Variants in GMDS observed in about 807,000 individuals in gnomAD.
The protein encoded by GMDS is GDP-mannose 4,6 dehydratase.
A neutral mutation model predicts 49.9 loss-of-function variants in GMDS; 20 were observed. That is an observed-to-expected ratio of 0.40 (90% CI 0.28 to 0.58). GMDS has a LOEUF of 0.58. GMDS is among the 20% of genes least tolerant of loss of function. GMDS has a pLI of 0.42. For synonymous variants in GMDS, 177 were observed against 178.6 expected, an observed-to-expected ratio of 0.99 and a Z score of 0.07; for missense variants, 362 against 481.4, an observed-to-expected ratio of 0.75 and a Z score of 2.32.
intron 4 of GMDS, among the ~76,000 whole-genome samples, chr6:1,977,396 A>G (rs1764968645): frequency 6.6e-6 from 1 of 152,334 alleles, no homozygotes; most frequent in African/African-American, 2.4e-5. Context: ...ACAAGTATCT[A>G]GCAAACATAA....
chr6:1,952,918 T>A (rs1240506810), intron 6 of GMDS, among the ~76,000 whole-genome samples: 2 of 152,184 alleles, frequency 1.3e-5, no homozygotes, highest in Non-Finnish European at 2.9e-5. Flanking sequence ...CCAATCCCTA[T>A]GAGTGACTCA....
chr6:1,662,801 T>C (rs1379941605), intron 9 of GMDS, among the ~76,000 whole-genome samples: 4 of 152,204 alleles, frequency 2.6e-5, no homozygotes, highest in Non-Finnish European at 4.4e-5. Flanking sequence ...GCATAACATT[T>C]TGTGTTCTCT....
chr6:1,638,675 G>T (rs551606126), intron 9 of GMDS, among the ~76,000 whole-genome samples: 2 of 152,248 alleles, frequency 1.3e-5, no homozygotes, highest in South Asian at 4.1e-4. Flanking sequence ...ACTACCAAGG[G>T]ACCTTTGCTT....
At chr6:1,655,517 ACATAT>A (rs1215760015) in intron 9 of GMDS, among the ~76,000 whole-genome samples, 1 of 83,830 alleles carries the variant, frequency 1.2e-5, no homozygotes, top group Non-Finnish European at 2.3e-5. Context: ...ACACACACAC[ACATAT>A]TTTTTTTTTT....
intron 9 of GMDS, among the ~76,000 whole-genome samples, chr6:1,629,237 C>G (rs1277301854): frequency 6.6e-6 from 1 of 152,146 alleles, no homozygotes; most frequent in Non-Finnish European, 1.5e-5. Context: ...TAATCCTTCC[C>G]AAAGAGGGAG....
intron 6 of GMDS, among the ~76,000 whole-genome samples, chr6:1,939,518 T>TAC (rs1331936045): frequency 6.6e-6 from 1 of 151,352 alleles, no homozygotes; most frequent in East Asian, 1.9e-4. Flanking sequence ...CATATATATA[T>TAC]ACACACACAT....
intron 9 of GMDS, among the ~76,000 whole-genome samples, chr6:1,632,826 C>T (rs1016690153): frequency 6.6e-6 from 1 of 152,204 alleles, no homozygotes; most frequent in African/African-American, 2.4e-5. Context: ...CTGCAGTGAG[C>T]TATGATTACA....
intron 7 of GMDS, among the ~76,000 whole-genome samples, chr6:1,895,630 T>C (rs1760125141): frequency 6.6e-6 from 1 of 152,246 alleles, no homozygotes. Flanking sequence ...AGACGTGCTT[T>C]ACATGATTAT....
Position 2,245,388 on chromosome 6 carries a change from C to T in GMDS, c.35G>A (p.Arg12Gln), listed in dbSNP as rs762398064. Residue 12 changes from arginine (R) to glutamine (Q), a missense_variant, in exon 1 of 11, where the codon CGG becomes CAG. Physicochemically the swap from Arg to Gln is conservative, Grantham distance 43. Transcript: ENST00000380815. Reference sequence around the variant, plus strand: ...GCCCATCTCGCCGTCCCCGGAGCCCCGGGCGCTGGGGCAGCGTGCCGGTGC... The same window carrying T: ...GCCCATCTCGCCGTCCCCGGAGCCCTGGGCGCTGGGGCAGCGTGCCGGTGC... ...AHAPARCPSA[R>Q]GSGDGEMGKP... The T allele has an allele frequency of 2.6e-6, 4 of 1,543,508 alleles. No homozygotes were observed. The South Asian group carries it at 4.7e-5, about 18-fold the overall frequency.
chr6:1,924,017 C>G (rs1459287935), intron 7 of GMDS, among the ~76,000 whole-genome samples: 1 of 152,168 alleles, frequency 6.6e-6, no homozygotes, highest in African/African-American at 2.4e-5. Context: ...ATAGAGGGGG[C>G]TGGAGACCTG....
chr6:2,211,517 A>G (rs1250145797), intron 1 of GMDS, among the ~76,000 whole-genome samples: 1 of 152,174 alleles, frequency 6.6e-6, no homozygotes, highest in Non-Finnish European at 1.5e-5. Context: ...CATCTGCCCT[A>G]TATGTTTTTT....
chr6:2,072,789 T>C (rs1207706370), intron 4 of GMDS, among the ~76,000 whole-genome samples: 3 of 152,202 alleles, frequency 2.0e-5, no homozygotes, highest in Admixed American at 2.0e-4. Flanking sequence ...ACATTTTCAC[T>C]TTGTTATTCA....
At chr6:1,788,925 C>T (rs538200116) in intron 7 of GMDS, among the ~76,000 whole-genome samples, 11 of 152,326 alleles carry the variant, frequency 7.2e-5, no homozygotes, top group Admixed American at 1.3e-4. Flanking sequence ...TGATCCCCAA[C>T]GAGACAGCCC....
chr6:1,890,193 T>C (rs1759806335), intron 7 of GMDS, among the ~76,000 whole-genome samples: 1 of 152,034 alleles, frequency 6.6e-6, no homozygotes. Context: ...ACATTATCAA[T>C]GCACGAGGGT....
intron 4 of GMDS, among the ~76,000 whole-genome samples, chr6:1,975,955 C>T (rs1009101966): frequency 1.3e-5 from 2 of 152,144 alleles, no homozygotes; most frequent in Non-Finnish European, 2.9e-5. Flanking sequence ...GTCCTGGTAA[C>T]CACACTTTGA....
At chr6:1,973,219 C>T (rs1488532114) in intron 4 of GMDS, among the ~76,000 whole-genome samples, 5 of 152,126 alleles carry the variant, frequency 3.3e-5, no homozygotes, top group Non-Finnish European at 5.9e-5. Flanking sequence ...AATGACAAAG[C>T]TCCAAAAGTA....
At chr6:1,669,776 G>C (rs1365552316) in intron 9 of GMDS, among the ~76,000 whole-genome samples, 5 of 151,954 alleles carry the variant, frequency 3.3e-5, no homozygotes, top group African/African-American at 1.2e-4. Context: ...AGCCAGGTGT[G>C]GTGGCAGGCG....
chr6:2,242,237 A>G (rs1781646665), intron 1 of GMDS, among the ~76,000 whole-genome samples: 1 of 152,262 alleles, frequency 6.6e-6, no homozygotes, highest in African/African-American at 2.4e-5. Context: ...AGGCAACAGT[A>G]TTCAAAAAAC....
chr6:2,144,592 G>A (rs528463276), intron 1 of GMDS, among the ~76,000 whole-genome samples: 204 of 152,312 alleles, frequency 1.3e-3, no homozygotes, highest in African/African-American at 4.6e-3. Context: ...GCCAGATAGA[G>A]GAGGTCTGGG....
Sources: gnomAD v4.1 joint callset for allele counts (sites outside exome capture counted in the v4.1 genomes callset) on GRCh38, gnomAD v4.1.1 for gene constraint, MANE v1.5 for transcripts, NCBI Gene and HGNC (gene_info 2026-07-23, HGNC 2026-07-21) for gene names.